The following SRGAP2C variants were observed in gnomAD, a reference collection of about 807,000 sequenced individuals.
SRGAP2C encodes the protein SLIT-ROBO Rho GTPase-activating protein 2C.
Under a neutral mutation model 25.1 loss-of-function variants are expected in SRGAP2C, and 15 were observed. The observed-to-expected ratio is 0.60, with a 90% CI of 0.40 to 0.92. SRGAP2C has a LOEUF of 0.92. SRGAP2C is among the 40% of genes least tolerant of loss of function. SRGAP2C has a pLI of 0.00. For missense variants in SRGAP2C, 144 were observed against 264.4 expected, an observed-to-expected ratio of 0.54 and a Z score of 3.16; for synonymous variants, 44 against 96.6, an observed-to-expected ratio of 0.46 and a Z score of 3.19.
At chr1:121,337,631 C>CAAAA (rs1553342624) in intron 4 of SRGAP2C, among the ~76,000 whole-genome samples, 2 of 117,010 alleles carry the variant, frequency 1.7e-5, no homozygotes, top group Admixed American at 1.9e-4. Context: ...AACTCCGACT[C>CAAAA]AAAAAATAAA....
chr1:121,366,328 G>T (rs1386770817), intron 5 of SRGAP2C, among the ~76,000 whole-genome samples: 62 of 118,364 alleles, frequency 5.2e-4, no homozygotes, highest in Non-Finnish European at 8.8e-4. Context: ...GTGATGACAT[G>T]CATGACAGGC....
chr1:121,324,500 C>G lies in SRGAP2C; in HGVS notation c.283C>G (p.Pro95Ala). The change falls in exon 4 of 10, where the codon CCA becomes GCA. Residue 95 changes from proline to alanine, a missense_variant. By Grantham distance (27) the Pro-to-Ala change is conservative (BLOSUM62 -1). This residue lies in a region of SRGAP2C where 61 missense variants were observed against 61.7 expected (regional missense o/e 0.99). Coordinates refer to ENST00000367123, the MANE Select transcript of SRGAP2C (RefSeq NM_001329984.2). Reference sequence around the variant, plus strand: ...CAGGAAGGATCAGAATGTTCTCTCTCCAGTCAACTGCTGGAATCTCCTCTT... The same window carrying G: ...CAGGAAGGATCAGAATGTTCTCTCTGCAGTCAACTGCTGGAATCTCCTCTT... ...QFKKDQNVLSPVNCWNLLLNQ... is the reference protein window; with the variant it reads ...QFKKDQNVLSAVNCWNLLLNQ... 6.2e-7 allele frequency: 1 copy of G among 1,613,268 alleles called. No homozygotes were observed. Among genetic ancestry groups the G allele is most frequent in the Non-Finnish European group, 8.5e-7 (1 of 1,179,306 alleles).
At chr1:121,375,089 C>T (rs1659606752) in intron 7 of SRGAP2C, 135 bp downstream of exon 7, 2 of 614,416 alleles carry the variant, frequency 3.3e-6, no homozygotes, top group South Asian at 4.0e-5. Context: ...CATGATCCAT[C>T]AGAGTGCTTG....
chr1:121,223,339 G>T (rs1233528940), intron 2 of SRGAP2C, among the ~76,000 whole-genome samples: 1 of 115,504 alleles, frequency 8.7e-6, no homozygotes, highest in Non-Finnish European at 1.7e-5. Flanking sequence ...ATTTTTTAAT[G>T]CTGGGAGGAG....
chr1:121,218,623 C>G (rs1309723630), intron 2 of SRGAP2C, among the ~76,000 whole-genome samples: 1 of 148,640 alleles, frequency 6.7e-6, no homozygotes, highest in Admixed American at 6.6e-5. Flanking sequence ...GGCAGGTGCC[C>G]GTAATCCCAG....
chr1:121,237,742 C>T (rs1205474784), intron 2 of SRGAP2C, among the ~76,000 whole-genome samples: 4 of 149,652 alleles, frequency 2.7e-5, no homozygotes, highest in Non-Finnish European at 5.9e-5. Context: ...CCTTACTTCC[C>T]AGCTGAACAA....
intron 2 of SRGAP2C, among the ~76,000 whole-genome samples, chr1:121,283,885 G>T (rs1479234939): frequency 6.7e-6 from 1 of 148,710 alleles, no homozygotes; most frequent in East Asian, 2.0e-4. Flanking sequence ...AAATCTGTTT[G>T]CATCTATAGC....
chr1:121,211,458 C>CACAT (rs199988653), intron 2 of SRGAP2C, among the ~76,000 whole-genome samples: 20,027 of 138,518 alleles, frequency 0.14, 1,414 homozygotes, highest in East Asian at 0.48. Flanking sequence ...CACACACACA[C>CACAT]ACATCTTACC....
intron 3 of SRGAP2C, among the ~76,000 whole-genome samples, chr1:121,288,539 G>A (rs1657424991): frequency 1.7e-5 from 1 of 59,554 alleles, no homozygotes; most frequent in Non-Finnish European, 3.1e-5. Flanking sequence ...TGTACTTACA[G>A]TCCTTGAGCT....
chr1:121,192,201 C>CA (rs1217306075), intron 2 of SRGAP2C, among the ~76,000 whole-genome samples: 1 of 150,588 alleles, frequency 6.6e-6, no homozygotes, highest in African/African-American at 2.4e-5. Flanking sequence ...CTTCTTTCCT[C>CA]ACAGCTCCCA....
At position 121,392,166 on chromosome 1, in the gene SRGAP2C, C is replaced by G. The variant is rs1330582524; in HGVS notation, c.*4311C>G. ...AGAAACAGAAAGAATAAAAAATAAA[C>G]AATGAGCAGAGACTAATGAATTTGT... On this transcript the variant is annotated 3_prime_UTR_variant, in exon 10 of 10. Coordinates refer to ENST00000367123, the MANE Select transcript of SRGAP2C (RefSeq NM_001329984.2). 1.3e-5 allele frequency: 2 copies of G among 152,106 alleles called. No homozygotes were observed. The highest frequency in any genetic ancestry group is 2.9e-5 in the Non-Finnish European group (2 of 67,992). 9.4% of individuals were successfully genotyped at this position (152,106 alleles called of 1,614,324 possible). A position where few individuals can be genotyped will look rare whatever the true frequency, so the allele number is the denominator to read the frequency against.
intron 4 of SRGAP2C, among the ~76,000 whole-genome samples, chr1:121,339,345 G>C (rs1366718230): frequency 3.3e-4 from 50 of 149,574 alleles, no homozygotes; most frequent in African/African-American, 1.1e-3. Flanking sequence ...TCCGCCTCCC[G>C]GGTTCAAGTG....
rs1419760159 is a variant in SRGAP2C at position 121,185,098 on chromosome 1, G to A, written c.-569G>A. ...CTCTGAGTGGGAAGCGGAACCGGGGGCCTGGGACCCGTCGCGTCAGAGCCA... is the reference window on the plus strand; with the variant it reads ...CTCTGAGTGGGAAGCGGAACCGGGGACCTGGGACCCGTCGCGTCAGAGCCA... On this transcript the variant is annotated 5_prime_UTR_variant, in exon 1 of 10. Coordinates refer to ENST00000367123, the MANE Select transcript of SRGAP2C (RefSeq NM_001329984.2). The A allele has an allele frequency of 8.2e-6, 4 of 487,704 alleles. No individual in the cohort carries two copies. The highest frequency in any genetic ancestry group is 7.7e-5 in the Admixed American group (2 of 26,122). 30.2% of individuals were successfully genotyped at this position (487,704 alleles called of 1,614,324 possible).
chr1:121,212,193 C>T (rs1457825804), intron 2 of SRGAP2C, among the ~76,000 whole-genome samples: 26 of 100,890 alleles, frequency 2.6e-4, no homozygotes, highest in Middle Eastern at 8.3e-3. Flanking sequence ...TGCAGTGGTG[C>T]GATCTCGGCT....
chr1:121,191,143 T>C lies in SRGAP2C; in HGVS notation c.67+3630T>C, dbSNP rs587729826. Among the ~76,000 whole-genome samples the C allele has an allele frequency of 1.8e-4, 27 of 151,866 alleles. No individual in the cohort carries two copies. In the South Asian group the frequency reaches 2.9e-3, roughly 16 times the overall value. On this transcript the variant is annotated intron_variant, in intron 2 of 9. Coordinates refer to ENST00000367123, the MANE Select transcript of SRGAP2C (RefSeq NM_001329984.2). ...AGTCTTTTTACATAGCTCTTTCCAA[T>C]TTACATTATGCTTTCATATGTAGTT...
intron 2 of SRGAP2C, among the ~76,000 whole-genome samples, chr1:121,273,746 T>C (rs1452021529): frequency 6.6e-6 from 1 of 151,912 alleles, no homozygotes; most frequent in Non-Finnish European, 1.5e-5. Flanking sequence ...TTCTATCTCC[T>C]GTAGGTCAAA....
chr1:121,206,343 A>G (rs1340850613), intron 2 of SRGAP2C, among the ~76,000 whole-genome samples: 1 of 152,120 alleles, frequency 6.6e-6, no homozygotes, highest in Non-Finnish European at 1.5e-5. Flanking sequence ...ATGTGTGCTG[A>G]GTGAGGGAGT....
intron 4 of SRGAP2C, among the ~76,000 whole-genome samples, chr1:121,363,936 C>T (rs1659260503): frequency 6.6e-6 from 1 of 151,532 alleles, no homozygotes; most frequent in Non-Finnish European, 1.5e-5. Flanking sequence ...TTCTAGTTTC[C>T]TTATTATAAT....
chr1:121,279,503 G>T (rs2101561469), intron 2 of SRGAP2C, among the ~76,000 whole-genome samples: 1 of 151,414 alleles, frequency 6.6e-6, no homozygotes, highest in African/African-American at 2.4e-5. Context: ...AGTGTGGCAG[G>T]GCCCTGCCTG....
Sources: gnomAD v4.1 joint callset for allele counts (sites outside exome capture counted in the v4.1 genomes callset) on GRCh38, gnomAD v4.1.1 for gene constraint, gnomAD v4.1.1 regional missense constraint, MANE v1.5 for transcripts, NCBI Gene and HGNC (gene_info 2026-07-23, HGNC 2026-07-21) for gene names.